The following CCDC39 variants were observed in gnomAD, a reference collection of about 807,000 sequenced individuals.
CCDC39 encodes the protein coiled-coil domain 39 molecular ruler complex subunit, also known as coiled-coil domain-containing protein 39.
In CCDC39, 113 loss-of-function variants were observed where a neutral mutation model predicts 121.0. That is an observed-to-expected ratio of 0.93 (90% confidence interval 0.80 to 1.09). The LOEUF (loss-of-function observed/expected upper bound fraction) is 1.09, where lower values mean the gene tolerates loss of function less well. CCDC39 is among the 50% of genes least tolerant of loss of function. CCDC39 has a pLI of 0.00. For missense variants in CCDC39, 1,063 were observed against 1,074.7 expected, an observed-to-expected ratio of 0.99 and a Z score of 0.15; for synonymous variants, 349 against 352.2, an observed-to-expected ratio of 0.99 and a Z score of 0.10.
chr3:180,627,756 G>GC (rs541702205), intron 14 of CCDC39, among the ~76,000 whole-genome samples: 2 of 152,244 alleles, frequency 1.3e-5, no homozygotes, highest in South Asian at 4.1e-4. Context: ...AGCCATGTAT[G>GC]CCCCATAGAA....
At chr3:180,650,929 G>A (rs1718189724) in intron 9 of CCDC39, among the ~76,000 whole-genome samples, 1 of 151,126 alleles carries the variant, frequency 6.6e-6, no homozygotes, top group Non-Finnish European at 1.5e-5. Flanking sequence ...AAGAGAGGAG[G>A]CTGGCCGGCA....
In CCDC39 at chr3:180,640,817, A is replaced by G. The variant is rs138833536; in HGVS notation, c.1874+1176T>C. 4.6e-5 allele frequency among the ~76,000 whole-genome samples: 7 copies of G among 152,124 alleles called. No homozygotes were observed. The East Asian group carries it at 5.8e-4, about 13-fold the overall frequency. ...CCCCATAGAAAACTTCAGGCTCCCA[A>G]TGGCTTTTTTTTCCAGTGGGGTCTT... On this transcript the variant is annotated intron_variant, in intron 13 of 19. Transcript: ENST00000476379.
At chr3:180,620,325 A>G (rs766917494) in intron 14 of CCDC39, among the ~76,000 whole-genome samples, 4 of 152,022 alleles carry the variant, frequency 2.6e-5, no homozygotes, top group Non-Finnish European at 5.9e-5. Flanking sequence ...AATCAGAAGA[A>G]TGTTTCTGGC....
chr3:180,648,684 C>T (rs532969812), intron 9 of CCDC39, among the ~76,000 whole-genome samples: 2 of 152,196 alleles, frequency 1.3e-5, no homozygotes, highest in South Asian at 4.1e-4. Context: ...GCAGCCTGTA[C>T]ATGCACAGAG....
intron 1 of CCDC39, among the ~76,000 whole-genome samples, chr3:180,672,885 G>C (rs1200686030): frequency 6.6e-6 from 1 of 152,178 alleles, no homozygotes; most frequent in Admixed American, 6.6e-5. Context: ...ATTCATAAGA[G>C]AAGACCAAAT....
intron 12 of CCDC39, 106 bp from the exon 13 acceptor site, chr3:180,642,307 A>G (rs1717973807): frequency 3.5e-6 from 2 of 575,274 alleles, no homozygotes; most frequent in East Asian, 6.1e-5. Flanking sequence ...CCTTTTTCCA[A>G]TTTAACCATT....
intron 14 of CCDC39, among the ~76,000 whole-genome samples, chr3:180,621,706 T>A (rs944674540): frequency 1.3e-5 from 2 of 152,120 alleles, no homozygotes; most frequent in Non-Finnish European, 2.9e-5. Flanking sequence ...CCCCAGTGTA[T>A]GTTCTTGTCA....
intron 1 of CCDC39, among the ~76,000 whole-genome samples, chr3:180,668,653 T>C (rs1358608222): frequency 6.6e-6 from 1 of 152,218 alleles, no homozygotes; most frequent in Non-Finnish European, 1.5e-5. Flanking sequence ...ACTATGTTTC[T>C]ATTTGTTGTT....
intron 13 of CCDC39, among the ~76,000 whole-genome samples, chr3:180,631,902 G>A (rs1362782822): frequency 1.3e-5 from 2 of 152,184 alleles, no homozygotes; most frequent in East Asian, 3.9e-4. Flanking sequence ...GTTTCATTGT[G>A]TCTTTTGCTG....
Position 180,662,112 on chromosome 3 carries a change from C to T in CCDC39, c.211-105G>A, listed in dbSNP as rs947044770. The stretch of plus-strand genomic sequence containing the variant: ...ATTAAAACAAAGTTCCCATAAATTG[C>T]TTACATTAAGTACTACTAATTCCAC... On this transcript the variant is annotated intron_variant, in intron 2 of 19. Transcript: ENST00000476379. The T allele has an allele frequency of 3.2e-5, 35 of 1,103,954 alleles. No individual in the cohort carries two copies. The African/African-American group carries it at 5.5e-4, about 17-fold the overall frequency. 68.4% of individuals were successfully genotyped at this position (1,103,954 alleles called of 1,614,324 possible). A position where few individuals can be genotyped will look rare whatever the true frequency, so the allele number is the denominator to read the frequency against.
intron 12 of CCDC39, among the ~76,000 whole-genome samples, chr3:180,643,029 C>G (rs1199268953): frequency 2.0e-5 from 3 of 151,392 alleles, no homozygotes; most frequent in Non-Finnish European, 4.4e-5. Context: ...GTGCGATCTC[C>G]GCTTACTGCA....
rs374074877 is a variant in CCDC39, at chr3:180,647,255, T to TAA, written c.1363-14_1363-13dup. 5.7e-4 allele frequency: 732 copies of TAA among 1,284,600 alleles called. No homozygotes were observed. Among genetic ancestry groups the TAA allele is most frequent in the Middle Eastern group, 8.1e-4 (4 of 4,920 alleles). The allele number at this position is 1,284,600 out of a possible 1,614,324, so 79.6% of individuals were successfully genotyped here. A position where few individuals can be genotyped will look rare whatever the true frequency, so the allele number is the denominator to read the frequency against. The stretch of plus-strand genomic sequence containing the variant: ...TGAATGTGAAAATCCTGTTACAGTT[T>TAA]AAAAAAAAAAAGGTATTACAAAGAA... On this transcript the variant is annotated splice_polypyrimidine_tract_variant and intron_variant, in intron 10 of 19. Coordinates refer to ENST00000476379, the MANE Select transcript of CCDC39 (RefSeq NM_181426.2).
In CCDC39 at chr3:180,616,985, C is replaced by A; in HGVS notation, c.2266-19G>T. 8.3e-7 allele frequency: 1 copy of A among 1,211,586 alleles called. No homozygotes were observed. The highest frequency in any genetic ancestry group is 1.1e-6 in the Non-Finnish European group (1 of 890,648). 75.1% of individuals were successfully genotyped at this position (1,211,586 alleles called of 1,614,324 possible). ...CCATGCTCTGTAGAAAAAATATTAA[C>A]ATGTATTTTTTAGAATCAGAAATTG... On this transcript the variant is annotated intron_variant, in intron 16 of 19. Coordinates refer to ENST00000476379, the MANE Select transcript of CCDC39 (RefSeq NM_181426.2).
At chr3:180,615,158 C>T in intron 19 of CCDC39, 81 bp from the exon 20 acceptor site, 1 of 1,010,964 alleles carries the variant, frequency 9.9e-7, no homozygotes, top group Non-Finnish European at 1.4e-6. Context: ...CAAAAGGTAC[C>T]ATAATTCCAT....
intron 12 of CCDC39, among the ~76,000 whole-genome samples, chr3:180,643,064 A>T (rs550063152): frequency 2.6e-5 from 4 of 151,302 alleles, no homozygotes; most frequent in African/African-American, 9.7e-5. Flanking sequence ...GGTTCACGCC[A>T]TTCTCCTGCC....
At chr3:180,655,407 A>G (rs577875842) in intron 6 of CCDC39, among the ~76,000 whole-genome samples, 1 of 152,146 alleles carries the variant, frequency 6.6e-6, no homozygotes, top group Non-Finnish European at 1.5e-5. Flanking sequence ...TCGTAGAGAC[A>G]ATAATAAATA....
intron 16 of CCDC39, among the ~76,000 whole-genome samples, chr3:180,618,505 C>A (rs754894403): frequency 2.0e-5 from 3 of 151,912 alleles, no homozygotes; most frequent in Non-Finnish European, 4.4e-5. Flanking sequence ...GTGCTGCACC[C>A]ATTAACTTGT....
chr3:180,669,752 C>T (rs1576953532), intron 1 of CCDC39, among the ~76,000 whole-genome samples: 2 of 151,858 alleles, frequency 1.3e-5, no homozygotes, highest in East Asian at 3.9e-4. Flanking sequence ...TGTAATTGTC[C>T]TGTTTCACAA....
At chr3:180,633,406 C>A (rs1264912131) in intron 13 of CCDC39, among the ~76,000 whole-genome samples, 2 of 152,046 alleles carry the variant, frequency 1.3e-5, no homozygotes, top group African/African-American at 4.8e-5. Flanking sequence ...GATATTGATT[C>A]CAAAAACACC....
Sources: gnomAD v4.1 joint callset for allele counts (sites outside exome capture counted in the v4.1 genomes callset) on GRCh38, gnomAD v4.1.1 for gene constraint, MANE v1.5 for transcripts, NCBI Gene and HGNC (gene_info 2026-07-23, HGNC 2026-07-21) for gene names.